Variants in METTL9 observed in about 807,000 individuals in gnomAD.
The protein encoded by METTL9 is protein-L-histidine N-pros-methyltransferase.
Under a neutral mutation model 36.0 loss-of-function variants are expected in METTL9, and 10 were observed. The observed-to-expected ratio is 0.28, with a 90% CI of 0.17 to 0.47. The LOEUF (loss-of-function observed/expected upper bound fraction) is 0.47. Among genes scored for constraint, METTL9 ranks in the 20% least tolerant of loss-of-function variants. The probability of loss-of-function intolerance (pLI) is 0.99; values close to 1 mark genes in which losing one functional copy is unlikely to be tolerated. For synonymous variants in METTL9, 175 were observed against 149.7 expected (o/e 1.17, Z -1.23); for missense variants, 246 against 383.5 (o/e 0.64, Z 3.00).
upstream of METTL9, chr16:21,599,468 A>G: frequency 8.6e-7 from 1 of 1,162,748 alleles, no homozygotes; most frequent in Admixed American, 4.9e-5. This position sits in a 1 kb window ranked among gnomAD's most constrained non-coding sequence, Gnocchi z 4.4. Flanking sequence ...CGGGGGAGAA[A>G]GCGACGCGGC....
At position 21,612,305 on chromosome 16, in the gene METTL9, TG is replaced by T. The variant is rs1166015408; in HGVS notation, c.166-339del. 7 of 188,634 alleles carry T rather than the reference TG, an allele frequency of 3.7e-5. No homozygotes were observed. In the East Asian group the frequency reaches 9.0e-4, roughly 24 times the overall value. 11.7% of individuals were successfully genotyped at this position (188,634 alleles called of 1,614,324 possible). A position where few individuals can be genotyped will look rare whatever the true frequency, so the allele number is the denominator to read the frequency against. ...AGAGCTTTCTAAATCTCGGGTACAG[TG>T]ACTGAAGCACTGGGCTGGGAGTCCG... On this transcript the variant is annotated intron_variant, in intron 1 of 4. Coordinates refer to ENST00000358154, the MANE Select transcript of METTL9 (RefSeq NM_016025.5).
At chr16:21,644,081 G>A (rs1220422916) in intron 4 of METTL9, among the ~76,000 whole-genome samples, 1 of 152,128 alleles carries the variant, frequency 6.6e-6, no homozygotes, top group African/African-American at 2.4e-5. Flanking sequence ...AGCAAACTAT[G>A]TCCCCTGGCT....
Position 21,655,569 on chromosome 16 carries a change from A to G in METTL9, c.*137A>G. 2 of 711,482 alleles carry G rather than the reference A, an allele frequency of 2.8e-6. No individual in the cohort carries two copies. The highest frequency in any genetic ancestry group is 2.7e-5 in the East Asian group (1 of 36,688). The allele number at this position is 711,482 out of a possible 1,614,324, so 44.1% of individuals were successfully genotyped here. The stretch of plus-strand genomic sequence containing the variant: ...ATATCATGTAGGAATTTAAAAAGCC[A>G]AAATACTAATTATTTCTTTGTAGTG... On this transcript the variant is annotated 3_prime_UTR_variant, in exon 5 of 5. Transcript: ENST00000358154.
At chr16:21,622,633 C>T (rs1965732865) in intron 3 of METTL9, among the ~76,000 whole-genome samples, 1 of 152,186 alleles carries the variant, frequency 6.6e-6, no homozygotes, top group African/African-American at 2.4e-5. Context: ...AATTTGTCTT[C>T]ATCAGTGGAA....
chr16:21,643,096 T>C, intron 4 of METTL9: 1 of 1,607,516 alleles, frequency 6.2e-7, no homozygotes, highest in Non-Finnish European at 8.5e-7. Flanking sequence ...TGTTTCCACA[T>C]GTCTCTTATG....
intron 4 of METTL9, among the ~76,000 whole-genome samples, chr16:21,632,016 C>T (rs923952597): frequency 4.6e-5 from 7 of 151,976 alleles, no homozygotes; most frequent in Admixed American, 1.3e-4. Flanking sequence ...CTGTCTCTTC[C>T]TCTCTTCCCT....
intron 3 of METTL9, 149 bp from the exon 4 acceptor site, chr16:21,624,782 C>A: frequency 2.8e-6 from 2 of 722,736 alleles, no homozygotes; most frequent in Non-Finnish European, 4.5e-6. Flanking sequence ...TCTTCCTTGG[C>A]CATGTCATTA....
At chr16:21,615,744 T>A (rs1357150209) in intron 2 of METTL9, among the ~76,000 whole-genome samples, 1 of 152,212 alleles carries the variant, frequency 6.6e-6, no homozygotes, top group East Asian at 1.9e-4. Context: ...GAAATTCGCC[T>A]CCCCTCAGCC....
At chr16:21,615,235 C>T (rs1965524011) in intron 2 of METTL9, among the ~76,000 whole-genome samples, 1 of 151,998 alleles carries the variant, frequency 6.6e-6, no homozygotes, top group African/African-American at 2.4e-5. Flanking sequence ...TGCCTTCTTT[C>T]TTTCTTTTTT....
Position 21,612,623 on chromosome 16 carries a change from C to CTT in METTL9, c.166-4_166-3dup, listed in dbSNP as rs576885895. The CTT allele has an allele frequency of 3.6e-3, 4,453 of 1,245,650 alleles. 2 individuals carry two copies. The highest frequency in any genetic ancestry group is 4.0e-3 in the Non-Finnish European group (3,887 of 983,212). The allele number at this position is 1,245,650 out of a possible 1,614,324, so 77.2% of individuals were successfully genotyped here. On this transcript the variant is annotated intron_variant, in intron 1 of 4. Coordinates refer to ENST00000358154, the MANE Select transcript of METTL9 (RefSeq NM_016025.5). ...TCGGTTGTGTGTTTTAATTTTTGTT[C>CTT]TTTTTTTTTTTTTTTTTTTAGTGGT... is the stretch of plus-strand genomic sequence containing the variant.
At chr16:21,624,208 G>C (rs1024205633) in intron 3 of METTL9, among the ~76,000 whole-genome samples, 10 of 152,082 alleles carry the variant, frequency 6.6e-5, no homozygotes, top group African/African-American at 2.4e-4. Context: ...AGAATAGAAG[G>C]GATCCTAGGA....
In METTL9 at chr16:21,619,257, G is replaced by C. The variant is rs1597753257; in HGVS notation, c.566+1183G>C. 2.6e-5 allele frequency among the ~76,000 whole-genome samples: 4 copies of C among 152,102 alleles called. No homozygotes were observed. The South Asian group carries it at 8.3e-4, about 32-fold the overall frequency. ...TGAGGAATTGCAATACTTTTCCATT[G>C]CTGCTGCACCATTTTACATTCCCAC... On this transcript the variant is annotated intron_variant, in intron 3 of 4. Transcript: ENST00000358154.
intron 4 of METTL9, chr16:21,646,521 A>G (rs1358636255): frequency 1.8e-5 from 3 of 162,378 alleles, no homozygotes. Context: ...CCCTTTGGAC[A>G]TGGTACTTTA....
At chr16:21,598,226 G>A (rs1964996935), upstream of METTL9, among the ~76,000 whole-genome samples, 2 of 152,002 alleles carry the variant, frequency 1.3e-5, no homozygotes, top group Admixed American at 1.3e-4. Context: ...GCGCGCACCC[G>A]TAGTCCCAGC....
intron 3 of METTL9, among the ~76,000 whole-genome samples, chr16:21,622,163 G>A (rs1402506054): frequency 1.7e-4 from 1 of 5,834 alleles, no homozygotes; most frequent in African/African-American, 1.6e-3. Context: ...TTTTTTTTTT[G>A]AGACAGGATC....
chr16:21,619,122 A>G (rs1371024490), intron 3 of METTL9, among the ~76,000 whole-genome samples: 4 of 152,202 alleles, frequency 2.6e-5, no homozygotes, highest in Non-Finnish European at 5.9e-5. Flanking sequence ...TAATGCTGCT[A>G]TGAACATGGG....
chr16:21,625,142 T>G, intron 4 of METTL9, 27 bp downstream of exon 4: 3 of 1,609,090 alleles, frequency 1.9e-6, no homozygotes, highest in South Asian at 1.1e-5. Flanking sequence ...AGGCTAGCTC[T>G]TACTGAGGAT....
chr16:21,630,596 A>G lies in METTL9; in HGVS notation c.751+5481A>G, dbSNP rs375970099. 3.9e-5 allele frequency among the ~76,000 whole-genome samples: 6 copies of G among 152,304 alleles called. No homozygotes were observed. The South Asian group carries it at 1.0e-3, about 26-fold the overall frequency. Reference sequence around the variant, plus strand: ...TACTTCCTGCTGGATAGGGGCGAAGAAGGGGCCCTGCAGTTGTAGTGTCCT... The same window carrying G: ...TACTTCCTGCTGGATAGGGGCGAAGGAGGGGCCCTGCAGTTGTAGTGTCCT... On this transcript the variant is annotated intron_variant, in intron 4 of 4. Transcript: ENST00000358154.
intron 4 of METTL9, chr16:21,646,924 G>C (rs1398337462): frequency 6.6e-6 from 4 of 609,062 alleles, no homozygotes; most frequent in Non-Finnish European, 8.9e-6. Context: ...AAAGTGCTGG[G>C]ATTACAGGTG....
Sources: gnomAD v4.1 joint callset for allele counts (sites outside exome capture counted in the v4.1 genomes callset) on GRCh38, gnomAD v4.1.1 for gene constraint, Gnocchi (gnomAD v3.1) non-coding constraint, MANE v1.5 for transcripts, NCBI Gene and HGNC (gene_info 2026-07-23, HGNC 2026-07-21) for gene names.